Variants in ELMO1 observed in about 807,000 individuals in gnomAD.
The protein encoded by ELMO1 is engulfment and cell motility protein 1.
A neutral mutation model predicts 98.9 loss-of-function variants in ELMO1; 26 were observed. That is an observed-to-expected ratio of 0.26 (90% CI 0.19 to 0.36). The LOEUF (loss-of-function observed/expected upper bound fraction) is 0.36. Among genes scored for constraint, ELMO1 ranks in the 10% least tolerant of loss-of-function variants. The pLI is 1.00. For missense variants in ELMO1, 627 were observed against 935.2 expected, an observed-to-expected ratio of 0.67 and a Z score of 4.30; for synonymous variants, 346 against 346.0, an observed-to-expected ratio of 1.00 and a Z score of 0.00.
chr7:36,996,775 G>A (rs76749117), intron 16 of ELMO1, among the ~76,000 whole-genome samples: 1,622 of 152,286 alleles, frequency 0.011, 42 homozygotes, highest in East Asian at 0.07. Context: ...ATTTTTCACC[G>A]GAAAGAGTGA....
chr7:36,985,466 G>C (rs1479669707), intron 16 of ELMO1, among the ~76,000 whole-genome samples: 2 of 152,120 alleles, frequency 1.3e-5, no homozygotes, highest in Non-Finnish European at 2.9e-5. Flanking sequence ...CTGGGGGTCT[G>C]AAGAAGTGTT....
intron 16 of ELMO1, among the ~76,000 whole-genome samples, chr7:36,953,581 GTTTT>G: frequency 6.6e-6 from 1 of 152,110 alleles, no homozygotes. Context: ...TGTATATATT[GTTTT>G]TTAATCTTCT....
intron 1 of ELMO1, among the ~76,000 whole-genome samples, chr7:37,378,807 T>C (rs1583654078): frequency 6.6e-6 from 1 of 152,180 alleles, no homozygotes; most frequent in Non-Finnish European, 1.5e-5. Context: ...ACCTTGTGAG[T>C]ATCTCTTCCA....
chr7:37,259,511 C>T (rs932052552), intron 5 of ELMO1, among the ~76,000 whole-genome samples, 161 bp from the exon 6 acceptor site: 1 of 152,188 alleles, frequency 6.6e-6, no homozygotes, highest in African/African-American at 2.4e-5. Context: ...AGGCTTCCAA[C>T]CCAAACACTC....
chr7:37,190,988 G>C (rs1220302731), intron 13 of ELMO1, among the ~76,000 whole-genome samples: 1 of 151,534 alleles, frequency 6.6e-6, no homozygotes, highest in African/African-American at 2.4e-5. Context: ...AGGAGATAGA[G>C]ACCATCCCGG....
At chr7:37,160,539 TCAGA>T in intron 13 of ELMO1, among the ~76,000 whole-genome samples, 1 of 152,288 alleles carries the variant, frequency 6.6e-6, no homozygotes, top group East Asian at 1.9e-4. Context: ...TCTCATGCTG[TCAGA>T]CAGAACAGCA....
At chr7:37,254,381 T>C (rs1455069150) in intron 6 of ELMO1, among the ~76,000 whole-genome samples, 1 of 152,226 alleles carries the variant, frequency 6.6e-6, no homozygotes, top group East Asian at 1.9e-4. Flanking sequence ...TGGGACGGCT[T>C]ACTGATTATT....
intron 13 of ELMO1, among the ~76,000 whole-genome samples, chr7:37,188,429 CACACACACACACACACACACACGCAA>C (rs555962196): frequency 0.15 from 8,692 of 56,632 alleles, 381 homozygotes; most frequent in South Asian, 0.37. Context: ...CACACACACA[CACACACACACACACACACACACGCAA>C]ACACACACAC....
intron 5 of ELMO1, among the ~76,000 whole-genome samples, chr7:37,261,288 A>G (rs1477675136): frequency 1.3e-5 from 2 of 152,228 alleles, no homozygotes; most frequent in African/African-American, 4.8e-5. Context: ...GCCCAAGGTC[A>G]CACAGCTTAT....
chr7:37,350,021 G>T (rs1801186411), intron 1 of ELMO1, among the ~76,000 whole-genome samples: 1 of 152,002 alleles, frequency 6.6e-6, no homozygotes, highest in South Asian at 2.1e-4. Flanking sequence ...AGCAGCAGTG[G>T]TGGGCACATG....
intron 15 of ELMO1, among the ~76,000 whole-genome samples, chr7:37,079,166 C>A (rs1797733740): frequency 6.6e-6 from 1 of 152,038 alleles, no homozygotes; most frequent in Non-Finnish European, 1.5e-5. Flanking sequence ...CCAAATCTTC[C>A]CCAGGAGCAT....
chr7:37,011,432 G>A (rs1411955155), intron 16 of ELMO1, among the ~76,000 whole-genome samples: 1 of 152,182 alleles, frequency 6.6e-6, no homozygotes, highest in African/African-American at 2.4e-5. Context: ...ACTTCTATAG[G>A]ATTTAAGTGT....
chr7:37,351,779 C>A (rs939689151), intron 1 of ELMO1, among the ~76,000 whole-genome samples: 3 of 152,162 alleles, frequency 2.0e-5, no homozygotes, highest in African/African-American at 7.2e-5. Context: ...GACTGGAAGG[C>A]AAAACAGACT....
At chr7:37,282,022 GC>G (rs1396349460) in intron 4 of ELMO1, among the ~76,000 whole-genome samples, 1 of 16,512 alleles carries the variant, frequency 6.1e-5, no homozygotes, top group Non-Finnish European at 1.1e-4. Flanking sequence ...CATCGATTCA[GC>G]CTCCATGTGG....
At chr7:37,276,849 G>C (rs1174076268) in intron 4 of ELMO1, among the ~76,000 whole-genome samples, 1 of 152,146 alleles carries the variant, frequency 6.6e-6, no homozygotes, top group African/African-American at 2.4e-5. Context: ...TTGGAGGCAG[G>C]GAATCTCTCA....
Position 37,087,327 on chromosome 7 carries a change from G to A in ELMO1, c.1300+9292C>T, listed in dbSNP as rs182661467. Among the ~76,000 whole-genome samples the A allele has an allele frequency of 2.6e-4, 40 of 152,232 alleles. No individual in the cohort carries two copies. In the East Asian group the frequency reaches 6.0e-3, roughly 23 times the overall value. ...TCCAGATCAAGGAGAAATAGTAATGGTGAATAATAATCAGCATCATATAGC... is the reference window on the plus strand; with the variant it reads ...TCCAGATCAAGGAGAAATAGTAATGATGAATAATAATCAGCATCATATAGC... On this transcript the variant is annotated intron_variant, in intron 15 of 21. Transcript: ENST00000310758.
Position 36,869,760 on chromosome 7 carries a change from A to C in ELMO1, c.1905+633T>G, listed in dbSNP as rs563922013. ...CTGTGCCCTCTGTAATGGAATGATA[A>C]TGGAATGGTTGGTAAACTAGGAGGG... On this transcript the variant is annotated intron_variant, in intron 20 of 21. Coordinates refer to ENST00000310758, the MANE Select transcript of ELMO1 (RefSeq NM_014800.11). Among the ~76,000 whole-genome samples, 227 of 152,340 alleles carry C rather than the reference A, an allele frequency of 1.5e-3. 1 individual carries two copies. The highest frequency in any genetic ancestry group is 5.1e-3 in the African/African-American group (212 of 41,584).
At chr7:37,165,856 T>C (rs946179014) in intron 13 of ELMO1, among the ~76,000 whole-genome samples, 42 of 152,340 alleles carry the variant, frequency 2.8e-4, no homozygotes, top group African/African-American at 8.7e-4. Flanking sequence ...CCTCATAAAA[T>C]GAGTTAGGGA....
At chr7:37,296,594 A>G (rs2246803) in intron 4 of ELMO1, among the ~76,000 whole-genome samples, 53,363 of 152,044 alleles carry the variant, frequency 0.35, 10,511 homozygotes, top group Middle Eastern at 0.54. Flanking sequence ...CATTCAAGAG[A>G]CAGGGATTAG....
Sources: allele counts gnomAD v4.1 joint callset (sites outside exome capture counted in the v4.1 genomes callset), GRCh38; gene constraint gnomAD v4.1.1; transcripts MANE v1.5; gene names NCBI Gene and HGNC (gene_info 2026-07-23, HGNC 2026-07-21).